The following CALN1 variants were observed in gnomAD, a reference collection of about 807,000 sequenced individuals.
The protein encoded by CALN1 is calcium-binding protein 8.
In CALN1, 17 loss-of-function variants were observed where a neutral mutation model predicts 30.6. That is an observed-to-expected ratio of 0.56 (90% CI 0.38 to 0.83). The LOEUF is 0.83. Among genes scored for constraint, CALN1 ranks in the 40% least tolerant of loss-of-function variants. The probability of loss-of-function intolerance (pLI) is 0.00; values close to 1 mark genes in which losing one functional copy is unlikely to be tolerated. For missense variants in CALN1, 291 were observed against 354.9 expected (o/e 0.82, Z 1.45); for synonymous variants, 156 against 131.4 (o/e 1.19, Z -1.28).
intron 4 of CALN1, among the ~76,000 whole-genome samples, chr7:72,051,838 A>G (rs151113790): frequency 9.8e-4 from 149 of 152,354 alleles, no homozygotes; most frequent in African/African-American, 3.4e-3. Context: ...AGTGCTGGGG[A>G]AAATACTAGA....
rs191487936 is a variant in CALN1 at position 72,086,425 on chromosome 7, G to T, written c.388+19726C>A. On this transcript the variant is annotated intron_variant, in intron 4 of 6. Transcript: ENST00000395275. ...ATGAAATGGATCAATTATTGTAGTT[G>T]TTATTATTATTATTATTGTTATTAT... is the stretch of plus-strand genomic sequence containing the variant. 1.5e-4 allele frequency among the ~76,000 whole-genome samples: 23 copies of T among 151,940 alleles called. No homozygotes were observed. The East Asian group carries it at 4.3e-3, about 28-fold the overall frequency.
chr7:72,293,008 C>G (rs1236289090), intron 2 of CALN1, among the ~76,000 whole-genome samples: 2 of 152,048 alleles, frequency 1.3e-5, no homozygotes, highest in Non-Finnish European at 2.9e-5. Context: ...CAGGGAGGTT[C>G]CTGTTGTTCA....
chr7:72,365,880 T>C (rs1803848879), intron 2 of CALN1, among the ~76,000 whole-genome samples: 1 of 152,174 alleles, frequency 6.6e-6, no homozygotes, highest in South Asian at 2.1e-4. Context: ...GCCCAGTTGG[T>C]TAAATTCTAA....
chr7:72,476,424 A>C, the CALN1 span, among the ~76,000 whole-genome samples: 1 of 152,192 alleles, frequency 6.6e-6, no homozygotes, highest in African/African-American at 2.4e-5. Flanking sequence ...TCATGAGAAC[A>C]GATTAATACA....
In CALN1 at chr7:72,290,003, A is replaced by G. The variant is rs192714647; in HGVS notation, c.120-11193T>C. On this transcript the variant is annotated intron_variant, in intron 2 of 6. Transcript: ENST00000395275. ...TGAGGTTGGAGAATCGCTTAAGCCC[A>G]GAAGTTCAAGGCTGCAGTGAGCTAT... 1.3e-3 allele frequency among the ~76,000 whole-genome samples: 179 copies of G among 142,976 alleles called. 2 individuals carry two copies. The highest frequency in any genetic ancestry group is 4.3e-3 in the African/African-American group (169 of 39,300). The allele number at this position is 142,976 out of a possible 152,430, so 93.8% of individuals were successfully genotyped here.
intron 3 of CALN1, among the ~76,000 whole-genome samples, chr7:72,126,922 C>T (rs1808807345): frequency 6.6e-6 from 1 of 152,026 alleles, no homozygotes; most frequent in Non-Finnish European, 1.5e-5. Flanking sequence ...AATTAAATCA[C>T]CACTAAAGAA....
At chr7:71,923,925 G>A (rs1405126948) in intron 5 of CALN1, among the ~76,000 whole-genome samples, 1 of 152,110 alleles carries the variant, frequency 6.6e-6, no homozygotes, top group Non-Finnish European at 1.5e-5. Context: ...GGGCATAGTG[G>A]CTCACACTTG....
At chr7:72,023,943 G>C (rs1443196034) in intron 4 of CALN1, among the ~76,000 whole-genome samples, 174 bp from the exon 5 acceptor site, 2 of 152,194 alleles carry the variant, frequency 1.3e-5, no homozygotes, top group African/African-American at 4.8e-5. Context: ...AGTACCACAA[G>C]AAACTGGCAA....
At chr7:72,349,527 CATT>C (rs1802817035) in intron 2 of CALN1, among the ~76,000 whole-genome samples, 1 of 151,814 alleles carries the variant, frequency 6.6e-6, no homozygotes, top group Non-Finnish European at 1.5e-5. Flanking sequence ...AGAAAAAAAA[CATT>C]ATAGCAGGAG....
chr7:72,148,741 T>C (rs929634474), intron 3 of CALN1, among the ~76,000 whole-genome samples: 1 of 151,762 alleles, frequency 6.6e-6, no homozygotes, highest in African/African-American at 2.4e-5. Flanking sequence ...CCCATCTCTA[T>C]TAAAAATACA....
intron 4 of CALN1, among the ~76,000 whole-genome samples, chr7:72,082,775 T>C (rs1414343709): frequency 6.6e-6 from 1 of 152,206 alleles, no homozygotes; most frequent in African/African-American, 2.4e-5. Context: ...ACGGATTACA[T>C]TGCGTGAAAG....
chr7:71,966,738 A>T (rs1223953373), intron 5 of CALN1, among the ~76,000 whole-genome samples: 1 of 152,200 alleles, frequency 6.6e-6, no homozygotes, highest in Non-Finnish European at 1.5e-5. Flanking sequence ...ACAAGAACAG[A>T]CTAATACCAT....
chr7:72,100,421 G>A (rs896568731), intron 4 of CALN1, among the ~76,000 whole-genome samples: 1 of 152,032 alleles, frequency 6.6e-6, no homozygotes, highest in South Asian at 2.1e-4. Flanking sequence ...GCCTTAAGCA[G>A]TCATCCTACC....
intron 5 of CALN1, among the ~76,000 whole-genome samples, chr7:71,923,670 A>G (rs1438488555): frequency 6.6e-6 from 1 of 152,156 alleles, no homozygotes; most frequent in Admixed American, 6.5e-5. Context: ...TGGAGCAGGG[A>G]TAACATTCTC....
At chr7:72,459,436 C>A in the CALN1 span, among the ~76,000 whole-genome samples, 1 of 152,018 alleles carries the variant, frequency 6.6e-6, no homozygotes, top group Non-Finnish European at 1.5e-5. Context: ...CCAAAATTTT[C>A]TAGAGTTGTT....
chr7:71,854,058 T>G (rs1449725394), intron 5 of CALN1, among the ~76,000 whole-genome samples: 1 of 152,200 alleles, frequency 6.6e-6, no homozygotes, highest in African/African-American at 2.4e-5. Flanking sequence ...TGTGTGTGTG[T>G]GTGTGTAGGG....
intron 5 of CALN1, among the ~76,000 whole-genome samples, chr7:72,006,909 T>C (rs1799801037): frequency 6.6e-6 from 1 of 152,128 alleles, no homozygotes. Context: ...TTCTAGCCCC[T>C]ACACTCCTTC....
chr7:71,987,665 A>G (rs930759148), intron 5 of CALN1, among the ~76,000 whole-genome samples: 1 of 152,204 alleles, frequency 6.6e-6, no homozygotes, highest in African/African-American at 2.4e-5. Flanking sequence ...CGGAATTTGC[A>G]CTGTCCTCAG....
rs527661009 is a variant in CALN1, at chr7:71,799,466, G to T, written c.658+10870C>A. ...ATTTATTTATTTAGTTAGTTAGTTA[G>T]TTAGTTAGTTAGTTTTTGAGACAGA... On this transcript the variant is annotated intron_variant, in intron 6 of 6. Transcript: ENST00000395275. 2.0e-3 allele frequency among the ~76,000 whole-genome samples: 293 copies of T among 149,630 alleles called. 1 individual carries two copies. The highest frequency in any genetic ancestry group is 7.1e-3 in the African/African-American group (281 of 39,522).
Sources: gnomAD v4.1 joint callset for allele counts (sites outside exome capture counted in the v4.1 genomes callset) on GRCh38, gnomAD v4.1.1 for gene constraint, MANE v1.5 for transcripts, NCBI Gene and HGNC (gene_info 2026-07-23, HGNC 2026-07-21) for gene names.